MROH7: variants seen among roughly 807,000 people sequenced by gnomAD.
MROH7 encodes maestro heat-like repeat-containing protein family member 7.
In MROH7, 113 loss-of-function variants were observed where a neutral mutation model predicts 129.2. The observed-to-expected ratio is 0.87, with a 90% CI of 0.75 to 1.02. The LOEUF (loss-of-function observed/expected upper bound fraction) is 1.02, where lower values mean the gene tolerates loss of function less well. Among genes scored for constraint, MROH7 ranks in the 50% least tolerant of loss-of-function variants. The pLI is 0.00. For synonymous variants in MROH7, 655 were observed against 667.9 expected, an observed-to-expected ratio of 0.98 and a Z score of 0.30; for missense variants, 1,601 against 1,671.3, an observed-to-expected ratio of 0.96 and a Z score of 0.73.
chr1:54,676,211 T>C (rs191891879), intron 10 of MROH7, among the ~76,000 whole-genome samples: 1 of 152,314 alleles, frequency 6.6e-6, no homozygotes, highest in Admixed American at 6.5e-5. Flanking sequence ...ATTTTTTTCT[T>C]TTTTTAGCAG....
chr1:54,700,618 AAAAATCTAT>A (rs1645420421), intron 18 of MROH7, among the ~76,000 whole-genome samples, 157 bp downstream of exon 18: 1 of 152,242 alleles, frequency 6.6e-6, no homozygotes. Context: ...GATATCCTTT[AAAAATCTAT>A]ATATTTTATT....
At chr1:54,670,687 C>CCT in intron 6 of MROH7, 111 bp downstream of exon 6, 1 of 1,411,666 alleles carries the variant, frequency 7.1e-7, no homozygotes, top group South Asian at 1.4e-5. Context: ...ACCCCTCGCC[C>CCT]GGTGCCTTTT....
At chr1:54,668,671 C>T (rs1161303814) in intron 4 of MROH7, among the ~76,000 whole-genome samples, 183 bp from the exon 5 acceptor site, 6 of 152,128 alleles carry the variant, frequency 3.9e-5, no homozygotes, top group Non-Finnish European at 8.8e-5. Flanking sequence ...CTCCTCCAAC[C>T]CCTCAATATT....
rs556710219 is a variant in MROH7 at position 54,659,704 on chromosome 1, C to T, written c.1232-5463C>T. 6.6e-5 allele frequency among the ~76,000 whole-genome samples: 10 copies of T among 152,284 alleles called. No individual in the cohort carries two copies. In the South Asian group the frequency reaches 1.2e-3, roughly 19 times the overall value. ...CCAGCCTCAGGTGATCCACCTGCCT[C>T]GGCCTCCCAAAGTGCCAGGATTACA... On this transcript the variant is annotated intron_variant, in intron 3 of 23. Transcript: ENST00000421030.
At chr1:54,654,250 G>A in intron 3 of MROH7, 93 bp downstream of exon 3, 1 of 1,251,534 alleles carries the variant, frequency 8.0e-7, no homozygotes. Context: ...GGAAGGAAGG[G>A]GACAGCAGGC....
chr1:54,703,656 A>G lies in MROH7; in HGVS notation c.3564+911A>G, dbSNP rs1352234872. Reference sequence around the variant, plus strand: ...CATGTGCGCGCGCGCATACACACACACACACAAGCACAACTCTGCAGGATA... The same window carrying G: ...CATGTGCGCGCGCGCATACACACACGCACACAAGCACAACTCTGCAGGATA... On this transcript the variant is annotated intron_variant, in intron 21 of 23. Coordinates refer to ENST00000421030, the MANE Select transcript of MROH7 (RefSeq NM_001039464.4). This position sits in a 1 kb window ranked among gnomAD's most constrained non-coding sequence, Gnocchi z 4.4. 6.6e-6 allele frequency among the ~76,000 whole-genome samples: 1 copy of G among 151,976 alleles called. No individual in the cohort carries two copies. The highest frequency in any genetic ancestry group is 1.5e-5 in the Non-Finnish European group (1 of 67,980).
Position 54,704,793 on chromosome 1 carries a change from C to CTTTTTTTTT in MROH7, c.3565-1627_3565-1619dup, listed in dbSNP as rs750428757. On this transcript the variant is annotated intron_variant, in intron 21 of 23. Coordinates refer to ENST00000421030, the MANE Select transcript of MROH7 (RefSeq NM_001039464.4). The stretch of plus-strand genomic sequence containing the variant: ...ACATGAATTAGCATTCAATGTAGCT[C>CTTTTTTTTT]TTTTTTTTTTTTTTTTTTTTTTTGA... 1.4e-3 allele frequency among the ~76,000 whole-genome samples: 93 copies of CTTTTTTTTT among 67,824 alleles called. 9 individuals are homozygous for CTTTTTTTTT. The highest frequency in any genetic ancestry group is 0.017 in the Middle Eastern group (1 of 58). 44.5% of individuals were successfully genotyped at this position (67,824 alleles called of 152,430 possible). A position where few individuals can be genotyped will look rare whatever the true frequency, so the allele number is the denominator to read the frequency against.
chr1:54,691,802 AAGT>A (rs1404756659), intron 15 of MROH7, among the ~76,000 whole-genome samples: 9 of 90,778 alleles, frequency 9.9e-5, no homozygotes, highest in East Asian at 6.0e-4. Flanking sequence ...AAAAAAAAAA[AAGT>A]GTGTGTGTGT....
intron 4 of MROH7, among the ~76,000 whole-genome samples, chr1:54,667,165 G>C (rs1430302462): frequency 1.3e-5 from 2 of 152,164 alleles, no homozygotes; most frequent in East Asian, 1.9e-4. Flanking sequence ...CTAGTTCTTT[G>C]CATAGCTAGC....
intron 13 of MROH7, among the ~76,000 whole-genome samples, chr1:54,681,227 G>T (rs937689264): frequency 2.6e-5 from 4 of 152,186 alleles, no homozygotes; most frequent in African/African-American, 9.7e-5. Flanking sequence ...CCTAGTCTTG[G>T]CCCTGAGTCT....
At chr1:54,672,386 C>T (rs569515756) in intron 7 of MROH7, among the ~76,000 whole-genome samples, 26 of 151,404 alleles carry the variant, frequency 1.7e-4, no homozygotes, top group African/African-American at 5.3e-4. Context: ...GCTGGCAGGA[C>T]GAGGGGAGGC....
intron 23 of MROH7, among the ~76,000 whole-genome samples, chr1:54,709,679 G>C (rs965728396): frequency 2.0e-5 from 3 of 152,122 alleles, no homozygotes; most frequent in African/African-American, 7.2e-5. Flanking sequence ...TGACTCTTAA[G>C]TGGGGACTGA....
At chr1:54,686,054 T>C (rs1175901402) in intron 14 of MROH7, among the ~76,000 whole-genome samples, 1 of 152,014 alleles carries the variant, frequency 6.6e-6, no homozygotes, top group Non-Finnish European at 1.5e-5. Flanking sequence ...AAGGGGTGGA[T>C]TGTTGTCCTT....
At position 54,671,474 on chromosome 1, in the gene MROH7, C is replaced by T. The variant is rs567043435; in HGVS notation, c.1599+545C>T. ...CTATGGGAGGGATGTGGGCAGATGA[C>T]GGTATGGCCAGGGGAAGCGGCCAGG... On this transcript the variant is annotated intron_variant, in intron 7 of 23. Transcript: ENST00000421030. 3.9e-5 allele frequency among the ~76,000 whole-genome samples: 6 copies of T among 152,278 alleles called. No homozygotes were observed. In the East Asian group the frequency reaches 5.8e-4, roughly 15 times the overall value.
chr1:54,675,526 A>G (rs1047768815), intron 10 of MROH7, among the ~76,000 whole-genome samples: 2 of 151,820 alleles, frequency 1.3e-5, no homozygotes, highest in African/African-American at 2.4e-5. Context: ...TGAAGGTGGT[A>G]TAAGCCATGT....
intron 1 of MROH7, among the ~76,000 whole-genome samples, chr1:54,643,041 C>T (rs898023137): frequency 6.6e-6 from 1 of 152,204 alleles, no homozygotes; most frequent in Non-Finnish European, 1.5e-5. Flanking sequence ...GTTTTCTGAA[C>T]CTTCCCTGTG....
rs147368386 is a variant in MROH7, at chr1:54,688,054, T to C, written c.2711+1606T>C. 4.9e-4 allele frequency among the ~76,000 whole-genome samples: 74 copies of C among 151,450 alleles called. 1 individual carries two copies. The highest frequency in any genetic ancestry group is 1.7e-3 in the African/African-American group (72 of 41,306). On this transcript the variant is annotated intron_variant, in intron 15 of 23. Transcript: ENST00000421030. Reference sequence around the variant, plus strand: ...GGCCAATATGGTGAAACCCCGTCTCTACTAAAAATACAAAAATTAGCCAGA... The same window carrying C: ...GGCCAATATGGTGAAACCCCGTCTCCACTAAAAATACAAAAATTAGCCAGA...
rs772946079 is a variant in MROH7, at chr1:54,653,932, A to T, written c.1006A>T (p.Thr336Ser). Residue 336 changes from threonine (T) to serine (S), a missense_variant, in exon 3 of 24, where the codon ACT becomes TCT. Thr to Ser is a moderately conservative substitution (Grantham distance 58). Coordinates refer to ENST00000421030, the MANE Select transcript of MROH7 (RefSeq NM_001039464.4). ...CMTLILGSNE[T>S]LSLDSSLLFS... Reference sequence around the variant, plus strand: ...GACTCTAATCCTGGGTTCCAATGAGACTCTGAGCCTGGACTCCAGCCTCCT... The same window carrying T: ...GACTCTAATCCTGGGTTCCAATGAGTCTCTGAGCCTGGACTCCAGCCTCCT... 2 of 1,613,920 alleles carry T rather than the reference A, an allele frequency of 1.2e-6. No homozygotes were observed. The highest frequency in any genetic ancestry group is 2.2e-5 in the South Asian group (2 of 91,058).
At chr1:54,688,040 T>A (rs1645176589) in intron 15 of MROH7, among the ~76,000 whole-genome samples, 1 of 150,990 alleles carries the variant, frequency 6.6e-6, no homozygotes, top group Non-Finnish European at 1.5e-5. Flanking sequence ...GCCAATATGG[T>A]GAAACCCCGT....
Sources: gnomAD v4.1 joint callset for allele counts (sites outside exome capture counted in the v4.1 genomes callset) on GRCh38, gnomAD v4.1.1 for gene constraint, Gnocchi (gnomAD v3.1) non-coding constraint, MANE v1.5 for transcripts, NCBI Gene and HGNC (gene_info 2026-07-23, HGNC 2026-07-21) for gene names.